Variants in CDC16 observed in about 807,000 individuals in gnomAD.
CDC16 encodes cell division cycle 16, also known as cell division cycle protein 16 homolog.
In CDC16, 34 loss-of-function variants were observed where a neutral mutation model predicts 87.0. That is an observed-to-expected ratio of 0.39 (90% CI 0.30 to 0.52). The LOEUF (loss-of-function observed/expected upper bound fraction) is 0.52, where lower values mean the gene tolerates loss of function less well. Ranked by LOEUF, CDC16 falls within the 20% of genes least tolerant of loss-of-function variation. The probability of loss-of-function intolerance (pLI) is 0.74; values close to 1 mark genes in which losing one functional copy is unlikely to be tolerated. For synonymous variants in CDC16, 263 were observed against 260.6 expected (o/e 1.01, Z -0.09); for missense variants, 653 against 751.9 (o/e 0.87, Z 1.54).
chr13:114,247,234 G>T, intron 11 of CDC16: 1 of 503,272 alleles, frequency 2.0e-6, no homozygotes, highest in Non-Finnish European at 3.5e-6. Context: ...CTAGAGTGCA[G>T]TGGTGCAATA....
At chr13:114,255,283 A>T (rs1348265075) in intron 12 of CDC16, among the ~76,000 whole-genome samples, 1 of 152,160 alleles carries the variant, frequency 6.6e-6, no homozygotes, top group Non-Finnish European at 1.5e-5. Flanking sequence ...TGTTATATTA[A>T]CCCTGTTATT....
At chr13:114,241,773 A>G (rs1207579940) in intron 5 of CDC16, among the ~76,000 whole-genome samples, 1 of 152,216 alleles carries the variant, frequency 6.6e-6, no homozygotes, top group Non-Finnish European at 1.5e-5. Flanking sequence ...TTTAAGGGCC[A>G]GGCATGGTTG....
chr13:114,268,622 T>C (rs555784348), intron 17 of CDC16, among the ~76,000 whole-genome samples: 1 of 152,280 alleles, frequency 6.6e-6, no homozygotes, highest in Admixed American at 6.5e-5. Flanking sequence ...TAGACCGTAT[T>C]CTGCCTCAGT....
chr13:114,255,491 C>A (rs1235292875), intron 12 of CDC16, among the ~76,000 whole-genome samples: 1 of 152,010 alleles, frequency 6.6e-6, no homozygotes, highest in South Asian at 2.1e-4. Flanking sequence ...TCAAAATGTT[C>A]CAGAAGCCCA....
chr13:114,247,715 A>C (rs2081948751), intron 11 of CDC16, among the ~76,000 whole-genome samples: 1 of 152,116 alleles, frequency 6.6e-6, no homozygotes, highest in Admixed American at 6.5e-5. Context: ...CTGTCTACTA[A>C]AAATACAAAA....
chr13:114,251,212 C>T (rs1375830099), intron 12 of CDC16, among the ~76,000 whole-genome samples: 1 of 152,164 alleles, frequency 6.6e-6, no homozygotes, highest in African/African-American at 2.4e-5. Context: ...CTGATGACTG[C>T]ATCCCTGCCT....
At position 114,246,920 on chromosome 13, in the gene CDC16, GA is replaced by G; in HGVS notation, c.898-9del. On this transcript the variant is annotated splice_polypyrimidine_tract_variant and intron_variant, in intron 10 of 17. Coordinates refer to ENST00000356221, the MANE Select transcript of CDC16 (RefSeq NM_001078645.3). ...CCAATCTTTGTTTATGGTAAATTTT[GA>G]ACTTTTTAGGTGTCTTGGTTTGCAG... 6.3e-7 allele frequency: 1 copy of G among 1,593,468 alleles called. No homozygotes were observed. Among genetic ancestry groups the G allele is most frequent in the Non-Finnish European group, 8.6e-7 (1 of 1,161,470 alleles).
intron 12 of CDC16, among the ~76,000 whole-genome samples, chr13:114,251,599 C>T (rs2082181399): frequency 6.6e-6 from 1 of 152,194 alleles, no homozygotes; most frequent in African/African-American, 2.4e-5. Flanking sequence ...GTACCCACCT[C>T]AGTCAGTAGT....
chr13:114,267,573 T>G (rs2083312154), intron 17 of CDC16, among the ~76,000 whole-genome samples: 1 of 152,210 alleles, frequency 6.6e-6, no homozygotes, highest in South Asian at 2.1e-4. Context: ...GCTTAAAACC[T>G]TAAAAATAAT....
chr13:114,272,445 T>A lies in CDC16; in HGVS notation c.*2T>A. On this transcript the variant is annotated 3_prime_UTR_variant, in exon 18 of 18. Coordinates refer to ENST00000356221, the MANE Select transcript of CDC16 (RefSeq NM_001078645.3). ...TCTATGTCAGACCACAGCACGTGAC[T>A]CCAGTCAGTGGTCCTGGTCCCACTG... 1 of 1,612,906 alleles carries A rather than the reference T, an allele frequency of 6.2e-7. No homozygotes were observed. The highest frequency in any genetic ancestry group is 8.5e-7 in the Non-Finnish European group (1 of 1,179,060).
At chr13:114,268,985 T>C (rs1188139582) in intron 17 of CDC16, among the ~76,000 whole-genome samples, 4 of 152,152 alleles carry the variant, frequency 2.6e-5, no homozygotes, top group Middle Eastern at 3.2e-3. Context: ...CTGCTTAATA[T>C]CACAATAAAG....
intron 12 of CDC16, among the ~76,000 whole-genome samples, chr13:114,253,461 GTGTGGA>G (rs1344654491): frequency 6.6e-6 from 1 of 152,114 alleles, no homozygotes; most frequent in African/African-American, 2.4e-5. Context: ...GGCCAGAGGG[GTGTGGA>G]TCACTTGAGG....
intron 12 of CDC16, among the ~76,000 whole-genome samples, chr13:114,252,922 C>T (rs1296102728): frequency 1.3e-5 from 2 of 151,736 alleles, no homozygotes; most frequent in African/African-American, 2.4e-5. Flanking sequence ...TTGCTTGAGG[C>T]CAGGAGTTTG....
intron 6 of CDC16, among the ~76,000 whole-genome samples, chr13:114,242,998 G>A (rs1404947897): frequency 6.6e-6 from 1 of 152,152 alleles, no homozygotes. Flanking sequence ...TCAGGAGTGC[G>A]GAGGCTGGTG....
chr13:114,246,183 A>G, intron 10 of CDC16, 134 bp downstream of exon 10: 2 of 531,344 alleles, frequency 3.8e-6, no homozygotes. Flanking sequence ...AGAATCTCCT[A>G]GTGTTTATTG....
At chr13:114,255,809 A>C (rs1211848887) in intron 12 of CDC16, among the ~76,000 whole-genome samples, 1 of 152,020 alleles carries the variant, frequency 6.6e-6, no homozygotes, top group Non-Finnish European at 1.5e-5. Flanking sequence ...CGCTTGGCTA[A>C]TTTTTTATTA....
chr13:114,261,876 C>T lies in CDC16; in HGVS notation c.1315-11C>T. ...TATATAACTCGTGGGCTTGATGTTGCTATGTTTTAGGTAACAGTTGACAAA... is the reference window on the plus strand; with the variant it reads ...TATATAACTCGTGGGCTTGATGTTGTTATGTTTTAGGTAACAGTTGACAAA... On this transcript the variant is annotated splice_polypyrimidine_tract_variant and intron_variant, in intron 14 of 17. Transcript: ENST00000356221. 6.3e-7 allele frequency: 1 copy of T among 1,587,692 alleles called. No homozygotes were observed. Among genetic ancestry groups the T allele is most frequent in the Non-Finnish European group, 8.6e-7 (1 of 1,165,654 alleles).
chr13:114,238,320 GGGCC>G (rs2081361413), intron 3 of CDC16, among the ~76,000 whole-genome samples: 2 of 147,416 alleles, frequency 1.4e-5, no homozygotes, highest in Admixed American at 6.7e-5. Context: ...TTCACACTCA[GGGCC>G]TGAAGTGGAG....
intron 14 of CDC16, among the ~76,000 whole-genome samples, chr13:114,261,156 GA>G (rs1292527481): frequency 6.6e-6 from 1 of 152,146 alleles, no homozygotes. Flanking sequence ...GCAAAAATTG[GA>G]GCTAATTCAT....
Sources: gnomAD v4.1 joint callset for allele counts (sites outside exome capture counted in the v4.1 genomes callset) on GRCh38, gnomAD v4.1.1 for gene constraint, MANE v1.5 for transcripts, NCBI Gene and HGNC (gene_info 2026-07-23, HGNC 2026-07-21) for gene names.